The following ARHGAP20 variants were observed in gnomAD, a reference collection of about 807,000 sequenced individuals.
The protein encoded by ARHGAP20 is rho GTPase-activating protein 20.
Under a neutral mutation model 73.7 loss-of-function variants are expected in ARHGAP20, and 34 were observed. That is an observed-to-expected ratio of 0.46 (90% CI 0.35 to 0.61). The LOEUF (loss-of-function observed/expected upper bound fraction) is 0.61. ARHGAP20 is among the 20% of genes least tolerant of loss of function. The probability of loss-of-function intolerance (pLI) is 0.00; values close to 1 mark genes in which losing one functional copy is unlikely to be tolerated. For synonymous variants in ARHGAP20, 523 were observed against 518.2 expected, an observed-to-expected ratio of 1.01 and a Z score of -0.13; for missense variants, 1,314 against 1,420.9, an observed-to-expected ratio of 0.92 and a Z score of 1.21.
intron 2 of ARHGAP20, among the ~76,000 whole-genome samples, chr11:110,634,161 T>C (rs111931937): frequency 2.0e-5 from 3 of 152,246 alleles, no homozygotes; most frequent in African/African-American, 4.8e-5. Context: ...AAGTCATCAG[T>C]TGGTCATTAA....
At chr11:110,611,184 G>T in intron 7 of ARHGAP20, 125 bp downstream of exon 7, 1 of 537,364 alleles carries the variant, frequency 1.9e-6, no homozygotes. Context: ...TCTATATTTT[G>T]GGGAATAAAA....
chr11:110,707,105 C>A (rs1337053905), intron 1 of ARHGAP20, among the ~76,000 whole-genome samples: 2 of 152,118 alleles, frequency 1.3e-5, no homozygotes, highest in Non-Finnish European at 2.9e-5. Flanking sequence ...TTTACAACAG[C>A]AGCTGCTACA....
At position 110,609,197 on chromosome 11, in the gene ARHGAP20, G is replaced by A. The variant is rs1591312826; in HGVS notation, c.709-147C>T. ...GATCCATGAACTGCAGTGGAATCAG[G>A]CCTTCACTATATAGGTAGCCTACAG... On this transcript the variant is annotated intron_variant, in intron 7 of 14. Coordinates refer to ENST00000683387, the MANE Select transcript of ARHGAP20 (RefSeq NM_001384657.1). The A allele has an allele frequency of 2.1e-5, 14 of 659,730 alleles. No individual in the cohort carries two copies. In the East Asian group the frequency reaches 2.8e-4, roughly 13 times the overall value. The allele number at this position is 659,730 out of a possible 1,614,324, so 40.9% of individuals were successfully genotyped here.
chr11:110,624,404 A>C, intron 3 of ARHGAP20, 93 bp from the exon 4 acceptor site: 1 of 1,069,538 alleles, frequency 9.3e-7, no homozygotes, highest in Non-Finnish European at 1.3e-6. Context: ...CAGCAAACTA[A>C]CACAGGTACA....
At chr11:110,595,327 C>A (rs1373420125) in intron 9 of ARHGAP20, among the ~76,000 whole-genome samples, 1 of 152,122 alleles carries the variant, frequency 6.6e-6, no homozygotes, top group African/African-American at 2.4e-5. Flanking sequence ...AAAGGGCATT[C>A]AATTAGGAAA....
intron 12 of ARHGAP20, 56 bp downstream of exon 12, chr11:110,586,160 A>C (rs1398203856): frequency 1.1e-6 from 1 of 917,066 alleles, no homozygotes; most frequent in African/African-American, 1.7e-5. Context: ...TTAATAAATA[A>C]TCTTATAAAA....
At chr11:110,625,123 C>T (rs113594934) in intron 3 of ARHGAP20, among the ~76,000 whole-genome samples, 23,735 of 148,340 alleles carry the variant, frequency 0.16, 2,323 homozygotes, top group East Asian at 0.3. Flanking sequence ...CTGCAAGCTC[C>T]GCTTCCCGGG....
chr11:110,670,287 T>C (rs1184597336), intron 2 of ARHGAP20, among the ~76,000 whole-genome samples: 1 of 151,970 alleles, frequency 6.6e-6, no homozygotes, highest in African/African-American at 2.4e-5. Flanking sequence ...GCTACAAAAC[T>C]AGAAGCTGGT....
intron 2 of ARHGAP20, among the ~76,000 whole-genome samples, chr11:110,689,183 A>C (rs1950194653): frequency 6.6e-6 from 1 of 151,802 alleles, no homozygotes; most frequent in Non-Finnish European, 1.5e-5. Flanking sequence ...GATTTTTTTA[A>C]GTAGAGATGG....
rs1948175021 is a variant in ARHGAP20, at chr11:110,604,352, A to G, written c.964+2209T>C. On this transcript the variant is annotated intron_variant, in intron 9 of 14. Transcript: ENST00000683387. ...TCCCTAATCCCACTTACCATGAATC[A>G]TTTACAGCTGGAATCATCTAGCCTC... Among the ~76,000 whole-genome samples the G allele has an allele frequency of 2.0e-5, 3 of 152,170 alleles. No homozygotes were observed. The South Asian group carries it at 6.2e-4, about 31-fold the overall frequency.
intron 2 of ARHGAP20, among the ~76,000 whole-genome samples, chr11:110,652,378 T>A (rs1214232509): frequency 6.6e-6 from 1 of 152,064 alleles, no homozygotes; most frequent in African/African-American, 2.4e-5. Context: ...TATCGGAAGT[T>A]CTGGCCAGGG....
intron 4 of ARHGAP20, among the ~76,000 whole-genome samples, chr11:110,618,685 GT>G (rs1473919137): frequency 6.6e-6 from 1 of 151,942 alleles, no homozygotes; most frequent in African/African-American, 2.4e-5. Context: ...AGTATATGCA[GT>G]GATAGAGTAT....
chr11:110,580,780 A>G lies in ARHGAP20; in HGVS notation c.2166T>C (p.Tyr722=). ...DSKLSYLREF[Y]QKKLRKSSCD... Reference sequence around the variant, plus strand: ...AGCTGGACTTGCGTAGCTTTTTCTGATAAAACTCCCTGAGGTAGGAAAGCT... The same window carrying G: ...AGCTGGACTTGCGTAGCTTTTTCTGGTAAAACTCCCTGAGGTAGGAAAGCT... Residue 722 remains tyrosine (Y), a synonymous_variant, in exon 15 of 15, where the codon TAT becomes TAC. Transcript: ENST00000683387. 1 of 1,613,932 alleles carries G rather than the reference A, an allele frequency of 6.2e-7. No homozygotes were observed. Among genetic ancestry groups the G allele is most frequent in the Non-Finnish European group, 8.5e-7 (1 of 1,179,986 alleles).
chr11:110,706,711 C>T (rs1008046471), intron 1 of ARHGAP20, among the ~76,000 whole-genome samples: 9 of 152,076 alleles, frequency 5.9e-5, no homozygotes, highest in African/African-American at 1.9e-4. Flanking sequence ...GGGGTCATTA[C>T]CCCATTTTGC....
chr11:110,700,447 C>T (rs1361404584), intron 1 of ARHGAP20, among the ~76,000 whole-genome samples: 1 of 151,866 alleles, frequency 6.6e-6, no homozygotes, highest in African/African-American at 2.4e-5. Context: ...ATTTCGTGAG[C>T]ATTAAAGTAT....
At chr11:110,623,864 T>C (rs1758062200) in intron 4 of ARHGAP20, among the ~76,000 whole-genome samples, 2 of 149,964 alleles carry the variant, frequency 1.3e-5, no homozygotes, top group African/African-American at 2.5e-5. Flanking sequence ...GTTGTTGTTG[T>C]TGTTTTCACA....
chr11:110,613,407 C>T (rs1341064783), intron 6 of ARHGAP20, among the ~76,000 whole-genome samples: 1 of 152,162 alleles, frequency 6.6e-6, no homozygotes, highest in African/African-American at 2.4e-5. Flanking sequence ...CTTTAGACAG[C>T]AAAGGACAGA....
chr11:110,671,760 A>G (rs1949832669), intron 2 of ARHGAP20, among the ~76,000 whole-genome samples: 1 of 152,158 alleles, frequency 6.6e-6, no homozygotes, highest in South Asian at 2.1e-4. Context: ...AAGCTAAGTA[A>G]TCAAGATATT....
intron 2 of ARHGAP20, among the ~76,000 whole-genome samples, chr11:110,673,217 A>G (rs1459912937): frequency 6.6e-6 from 1 of 152,214 alleles, no homozygotes; most frequent in African/African-American, 2.4e-5. Context: ...TTCAAAACAC[A>G]GAAAGCAAGA....
Sources: allele counts gnomAD v4.1 joint callset (sites outside exome capture counted in the v4.1 genomes callset), GRCh38; gene constraint gnomAD v4.1.1; transcripts MANE v1.5; gene names NCBI Gene and HGNC (gene_info 2026-07-23, HGNC 2026-07-21).